Variants in TNRC6B observed in about 807,000 individuals in gnomAD.
TNRC6B encodes trinucleotide repeat containing adaptor 6B.
TNRC6B carries 52 observed loss-of-function variants against 203.6 expected under a neutral mutation model. The ratio of observed to expected loss-of-function variants is 0.26; its 90% CI spans 0.20 to 0.32. The LOEUF is 0.32. TNRC6B is among the 10% of genes least tolerant of loss of function. The probability of loss-of-function intolerance (pLI) is 1.00; values close to 1 mark genes in which losing one functional copy is unlikely to be tolerated. For synonymous variants in TNRC6B, 838 were observed against 845.7 expected (o/e 0.99, Z 0.16); for missense variants, 1,923 against 2,286.2 (o/e 0.84, Z 3.24).
chr22:40,327,278 C>G lies in TNRC6B; in HGVS notation c.*4037C>G, dbSNP rs910794008. The G allele has an allele frequency of 6.6e-6, 1 of 152,616 alleles. No individual in the cohort carries two copies. Among genetic ancestry groups the G allele is most frequent in the Non-Finnish European group, 1.5e-5 (1 of 68,056 alleles). 9.5% of individuals were successfully genotyped at this position (152,616 alleles called of 1,614,324 possible). On this transcript the variant is annotated 3_prime_UTR_variant, in exon 23 of 23. Transcript: ENST00000454349. ...ACTCCACAGATGTAAGATACTCACC[C>G]ATAAAGGAAATTGGAGTGGTTCTGG...
chr22:40,169,072 C>T (rs2068946125), intron 4 of TNRC6B, among the ~76,000 whole-genome samples: 2 of 150,982 alleles, frequency 1.3e-5, no homozygotes, highest in South Asian at 4.2e-4. Flanking sequence ...AGGTGCTGTG[C>T]AACAAATAAT....
chr22:40,162,105 A>AT (rs540364507), intron 4 of TNRC6B, among the ~76,000 whole-genome samples: 57 of 151,752 alleles, frequency 3.8e-4, no homozygotes, highest in African/African-American at 1.3e-3. Flanking sequence ...ACCAATTTTT[A>AT]TTTTTTTTGA....
At chr22:40,253,376 C>T (rs1324455232) in intron 3 of TNRC6B, among the ~76,000 whole-genome samples, 4 of 151,732 alleles carry the variant, frequency 2.6e-5, no homozygotes, top group East Asian at 3.9e-4. Context: ...AGGTGTGAGC[C>T]GCTGCACCCA....
chr22:40,052,353 G>C (rs1310762794), intron 1 of TNRC6B, among the ~76,000 whole-genome samples: 1 of 151,488 alleles, frequency 6.6e-6, no homozygotes, highest in Non-Finnish European at 1.5e-5. Context: ...AATAAGAATC[G>C]GTGTCTGATG....
upstream of TNRC6B, chr22:40,177,863 C>G: frequency 7.6e-7 from 1 of 1,314,126 alleles, no homozygotes; most frequent in African/African-American, 1.5e-5. Flanking sequence ...TCCTGATTGA[C>G]AAACCTACCC....
intron 3 of TNRC6B, among the ~76,000 whole-genome samples, chr22:40,140,315 A>G (rs1338964891): frequency 1.3e-5 from 2 of 152,206 alleles, no homozygotes; most frequent in Non-Finnish European, 2.9e-5. Flanking sequence ...TATTTTGACC[A>G]TGTGATTAAA....
At chr22:40,152,022 G>A (rs2068762135) in intron 3 of TNRC6B, among the ~76,000 whole-genome samples, 1 of 152,092 alleles carries the variant, frequency 6.6e-6, no homozygotes, top group African/African-American at 2.4e-5. Flanking sequence ...AGAGATTCTA[G>A]ATTATAAGTA....
At chr22:40,080,518 TATG>T (rs2068055818) in intron 1 of TNRC6B, among the ~76,000 whole-genome samples, 2 of 152,178 alleles carry the variant, frequency 1.3e-5, no homozygotes, top group African/African-American at 4.8e-5. Flanking sequence ...CCACATTTCT[TATG>T]ATAAGATACA....
Position 40,268,965 on chromosome 22 carries a change from T to A in TNRC6B, c.2807-1157T>A, listed in dbSNP as rs1026485084. 2.0e-5 allele frequency among the ~76,000 whole-genome samples: 3 copies of A among 151,052 alleles called. No homozygotes were observed. The East Asian group carries it at 5.8e-4, about 29-fold the overall frequency. On this transcript the variant is annotated intron_variant, in intron 5 of 22. Transcript: ENST00000454349. ...TAATAATCTTAACCCCTAGGGTCTCTTCCCAAAGGTAATCTCTTAGAAGTT... is the reference window on the plus strand; with the variant it reads ...TAATAATCTTAACCCCTAGGGTCTCATCCCAAAGGTAATCTCTTAGAAGTT...
At chr22:40,164,779 G>GT (rs36044175) in intron 4 of TNRC6B, among the ~76,000 whole-genome samples, 113 of 113,940 alleles carry the variant, frequency 9.9e-4, no homozygotes, top group Middle Eastern at 6.7e-3. Context: ...AAAAAAAAAA[G>GT]TTTTTTTTTT....
Position 40,265,596 on chromosome 22 carries a change from T to C in TNRC6B, c.1366T>C (p.Ser456Pro). ...NGNNGKERED[S>P]WKGASVQKST... ...GAACAATGGAAAAGAGAGAGAGGAC[T>C]CCTGGAAAGGAGCTTCTGTTCAGAA... Residue 456 changes from serine (S) to proline (P), a missense_variant, in exon 5 of 23, where the codon TCC (serine) becomes CCC (proline). Coordinates refer to ENST00000454349, the MANE Select transcript of TNRC6B (RefSeq NM_001162501.2). 1 of 1,613,760 alleles carries C rather than the reference T, an allele frequency of 6.2e-7. No individual in the cohort carries two copies. The highest frequency in any genetic ancestry group is 8.5e-7 in the Non-Finnish European group (1 of 1,179,772).
At chr22:40,175,430 C>T (rs539107391), upstream of TNRC6B, among the ~76,000 whole-genome samples, 1 of 152,206 alleles carries the variant, frequency 6.6e-6, no homozygotes, top group Non-Finnish European at 1.5e-5. Context: ...TATGTTTGTT[C>T]TGTTTCCAAA....
At chr22:40,075,711 T>A (rs920183102) in intron 1 of TNRC6B, among the ~76,000 whole-genome samples, 23 of 152,182 alleles carry the variant, frequency 1.5e-4, no homozygotes, top group Non-Finnish European at 2.4e-4. Context: ...CCTCTTTTCC[T>A]GGCTTCTTTT....
Position 40,335,764 on chromosome 22 carries a change from G to GGAAAAAAA in TNRC6B, c.*12523_*12524insGAAAAAAA, listed in dbSNP as rs1555902029. 2 of 143,336 alleles carry GGAAAAAAA rather than the reference G, an allele frequency of 1.4e-5. No individual in the cohort carries two copies. Among genetic ancestry groups the GGAAAAAAA allele is most frequent in the African/African-American group, 2.6e-5 (1 of 38,938 alleles). The allele number at this position is 143,336 out of a possible 1,614,324, so 8.9% of individuals were successfully genotyped here. A position where few individuals can be genotyped will look rare whatever the true frequency, so the allele number is the denominator to read the frequency against. On this transcript the variant is annotated 3_prime_UTR_variant, in exon 23 of 23. Coordinates refer to ENST00000454349, the MANE Select transcript of TNRC6B (RefSeq NM_001162501.2). ...ACTACAAAATATTTTTGGGTTCCTG[G>GGAAAAAAA]AAAAAAAAGAAAAAAGACTAATAAA...
At position 40,088,347 on chromosome 22, in the gene TNRC6B, A is replaced by G. The variant is rs117462111; in HGVS notation, c.-120-28708A>G. Among the ~76,000 whole-genome samples, 6 of 152,296 alleles carry G rather than the reference A, an allele frequency of 3.9e-5. No individual in the cohort carries two copies. In the East Asian group the frequency reaches 7.7e-4, roughly 20 times the overall value. On this transcript the variant is annotated intron_variant, in intron 1 of 23. Coordinates refer to the TNRC6B transcript ENST00000301923. Reference sequence around the variant, plus strand: ...TTTGTGCTCTGTTCTTCCACTTACTATGAATGCAAGAGCTTCTACATATTT... The same window carrying G: ...TTTGTGCTCTGTTCTTCCACTTACTGTGAATGCAAGAGCTTCTACATATTT...
At chr22:40,140,447 A>G (rs1342386005) in intron 3 of TNRC6B, among the ~76,000 whole-genome samples, 1 of 152,168 alleles carries the variant, frequency 6.6e-6, no homozygotes, top group East Asian at 1.9e-4. Flanking sequence ...TTGGGACTGG[A>G]GCAACCATCT....
intron 4 of TNRC6B, among the ~76,000 whole-genome samples, chr22:40,171,355 G>C (rs1258996282): frequency 6.6e-6 from 1 of 151,740 alleles, no homozygotes; most frequent in Non-Finnish European, 1.5e-5. Context: ...TAGAGATGGG[G>C]TTTCACTGTG....
Position 40,302,632 on chromosome 22 carries a change from CAAAAAAAA to C in TNRC6B, c.4120+1311_4120+1318del, listed in dbSNP as rs200078286. Among the ~76,000 whole-genome samples the C allele has an allele frequency of 1.6e-3, 112 of 70,474 alleles. 1 individual carries two copies. The highest frequency in any genetic ancestry group is 8.6e-3 in the Middle Eastern group (1 of 116). The allele number at this position is 70,474 out of a possible 152,430, so 46.2% of individuals were successfully genotyped here. A position where few individuals can be genotyped will look rare whatever the true frequency, so the allele number is the denominator to read the frequency against. On this transcript the variant is annotated intron_variant, in intron 15 of 22. Transcript: ENST00000454349. ...TGGGTGATAGAGCAAGACCCCATCTCAAAAAAAAAAAAAAAAAAAGAGTTGGGAAGACA... is the reference window on the plus strand; with the variant it reads ...TGGGTGATAGAGCAAGACCCCATCTCAAAAAAAAAAAGAGTTGGGAAGACA...
chr22:40,275,263 G>A (rs1256053662), intron 7 of TNRC6B, among the ~76,000 whole-genome samples: 1 of 152,176 alleles, frequency 6.6e-6, no homozygotes, highest in African/African-American at 2.4e-5. Flanking sequence ...CTCTTAGGTT[G>A]TCTAGTGTGA....
Sources: allele counts gnomAD v4.1 joint callset (sites outside exome capture counted in the v4.1 genomes callset), GRCh38; gene constraint gnomAD v4.1.1; transcripts MANE v1.5; gene names NCBI Gene and HGNC (gene_info 2026-07-23, HGNC 2026-07-21).